Variants in CCR5AS observed in about 807,000 individuals in gnomAD.
The protein encoded by CCR5AS is CCR5 antisense RNA.
At chr3:46,391,202 A>C (rs1236628257) in intron 2 of CCR5AS, among the ~76,000 whole-genome samples, 1 of 152,196 alleles carries the variant, frequency 6.6e-6, no homozygotes, top group Non-Finnish European at 1.5e-5. Flanking sequence ...TTGAAGGAAG[A>C]TCCTGGGGGA....
chr3:46,377,104 G>A (rs539409955), intron 2 of CCR5AS, among the ~76,000 whole-genome samples: 8 of 152,320 alleles, frequency 5.3e-5, no homozygotes, highest in South Asian at 2.1e-4. Flanking sequence ...CAGTGCGGCA[G>A]GGAGGTTTGA....
At chr3:46,394,818 G>C (rs148436536) in intron 1 of CCR5AS, among the ~76,000 whole-genome samples, 24 of 152,284 alleles carry the variant, frequency 1.6e-4, no homozygotes, top group African/African-American at 5.3e-4. Context: ...AGTGAGAAGG[G>C]AGCAGAAAGA....
chr3:46,387,330 G>A (rs1207663253), intron 2 of CCR5AS, among the ~76,000 whole-genome samples: 1 of 152,186 alleles, frequency 6.6e-6, no homozygotes, highest in Non-Finnish European at 1.5e-5. Flanking sequence ...AAGTCCACAT[G>A]TCCGGTAGTT....
chr3:46,401,555 A>C (rs1158726634), intron 1 of CCR5AS, among the ~76,000 whole-genome samples: 2 of 152,190 alleles, frequency 1.3e-5, no homozygotes, highest in African/African-American at 4.8e-5. Context: ...CACCCATCAG[A>C]GGAGTCCCTC....
At chr3:46,404,564 C>T (rs1702030774) in intron 1 of CCR5AS, among the ~76,000 whole-genome samples, 1 of 152,036 alleles carries the variant, frequency 6.6e-6, no homozygotes, top group Non-Finnish European at 1.5e-5. Flanking sequence ...TCTCAAACTC[C>T]TGACCTCAAG....
At chr3:46,388,131 G>A (rs1324432681) in intron 2 of CCR5AS, among the ~76,000 whole-genome samples, 1 of 152,190 alleles carries the variant, frequency 6.6e-6, no homozygotes, top group Non-Finnish European at 1.5e-5. Context: ...TGACATTCCT[G>A]TCTTCTTATA....
At chr3:46,387,392 C>G (rs1465605829) in intron 2 of CCR5AS, among the ~76,000 whole-genome samples, 4 of 152,184 alleles carry the variant, frequency 2.6e-5, no homozygotes, top group African/African-American at 9.7e-5. Context: ...TCCTTTATTG[C>G]TAGGCAAACC....
chr3:46,372,163 G>A (rs1040160557), intron 2 of CCR5AS, among the ~76,000 whole-genome samples: 1 of 152,128 alleles, frequency 6.6e-6, no homozygotes, highest in African/African-American at 2.4e-5. Context: ...TGCCCTCGAG[G>A]CCTCTTAATT....
intron 1 of CCR5AS, among the ~76,000 whole-genome samples, chr3:46,403,950 C>T (rs1383698368): frequency 1.3e-5 from 2 of 152,172 alleles, no homozygotes; most frequent in Non-Finnish European, 2.9e-5. Flanking sequence ...AAAAACTCTG[C>T]CTCTTACTGC....
chr3:46,388,362 T>C (rs539986865), intron 2 of CCR5AS, among the ~76,000 whole-genome samples: 1 of 152,238 alleles, frequency 6.6e-6, no homozygotes, highest in Admixed American at 6.5e-5. Context: ...TCATATAGAA[T>C]GATTGGTAAT....
intron 1 of CCR5AS, among the ~76,000 whole-genome samples, chr3:46,399,982 G>A (rs913279565): frequency 1.3e-5 from 2 of 152,056 alleles, no homozygotes; most frequent in Non-Finnish European, 2.9e-5. Context: ...ATAGCTAAGC[G>A]GTTTTACTTA....
intron 2 of CCR5AS, chr3:46,373,371 GTGTT>G: frequency 6.2e-7 from 1 of 1,613,046 alleles, no homozygotes; most frequent in Non-Finnish European, 8.5e-7. Flanking sequence ...GGTGGTGGCT[GTGTT>G]TGCGTCTCTC....
chr3:46,395,439 TGAG>T (rs1461786225), intron 1 of CCR5AS, among the ~76,000 whole-genome samples: 23 of 151,546 alleles, frequency 1.5e-4, no homozygotes, highest in Non-Finnish European at 2.8e-4. Context: ...TAAAGAACAG[TGAG>T]GAGATGTGCC....
At chr3:46,388,020 G>A (rs112550266) in intron 2 of CCR5AS, among the ~76,000 whole-genome samples, 14 of 152,120 alleles carry the variant, frequency 9.2e-5, no homozygotes, top group South Asian at 2.1e-4. Flanking sequence ...GCAGGAACTG[G>A]GTATTTTCAC....
intron 2 of CCR5AS, among the ~76,000 whole-genome samples, chr3:46,381,830 G>A (rs919615104): frequency 6.6e-6 from 1 of 152,224 alleles, no homozygotes; most frequent in African/African-American, 2.4e-5. Flanking sequence ...AGACTGACTC[G>A]AGTTCCAGCC....
At chr3:46,383,601 G>A (rs6777875) in intron 2 of CCR5AS, among the ~76,000 whole-genome samples, 1 of 151,784 alleles carries the variant, frequency 6.6e-6, no homozygotes, top group Admixed American at 6.6e-5. Context: ...AAACCCCACC[G>A]CCACTCTCCT....
intron 3 of CCR5AS, among the ~76,000 whole-genome samples, chr3:46,368,201 T>A (rs989279078): frequency 2.8e-4 from 43 of 152,258 alleles, no homozygotes; most frequent in African/African-American, 6.5e-4. Context: ...AAAGGAGGGA[T>A]GGCACGAAAC....
In CCR5AS at chr3:46,404,672, A is replaced by G. The variant is rs559484432; in HGVS notation, n.163+2225T>C. On this transcript the variant is annotated intron_variant and non_coding_transcript_variant, in intron 1 of 3. Transcript: ENST00000451485. ...GCTTTTTCTGACTACACTATTTAAA[A>G]TGTGATCCCTGAGCCACCTTGGCCT... Among the ~76,000 whole-genome samples the G allele has an allele frequency of 3.3e-5, 5 of 152,202 alleles. No individual in the cohort carries two copies. In the South Asian group the frequency reaches 1.0e-3, roughly 32 times the overall value.
intron 2 of CCR5AS, chr3:46,373,126 CTGACCTGTTTTTCCTTCTTACTG>C: frequency 6.2e-7 from 1 of 1,614,224 alleles, no homozygotes; most frequent in Non-Finnish European, 8.5e-7. Context: ...CTGGCCATCT[CTGACCTGTTTTTCCTTCTTACTG>C]TCCCCTTCTG....
Sources: allele counts gnomAD v4.1 joint callset (sites outside exome capture counted in the v4.1 genomes callset), GRCh38; gene constraint gnomAD v4.1.1; transcripts MANE v1.5; gene names NCBI Gene and HGNC (gene_info 2026-07-23, HGNC 2026-07-21).